The following KLF8 variants were observed in gnomAD, a reference collection of about 807,000 sequenced individuals.
KLF8 encodes the protein KLF transcription factor 8, also known as Krueppel-like factor 8.
KLF8 carries 10 observed loss-of-function variants against 18.2 expected under a neutral mutation model. The ratio of observed to expected loss-of-function variants is 0.55; its 90% confidence interval spans 0.34 to 0.93. The LOEUF (loss-of-function observed/expected upper bound fraction) is 0.93. KLF8 is among the 40% of genes least tolerant of loss of function. The pLI is 0.02. For synonymous variants in KLF8, 109 were observed against 97.3 expected (o/e 1.12, Z -0.71); for missense variants, 264 against 277.9 (o/e 0.95, Z 0.36).
the KLF8 span, among the ~76,000 whole-genome samples, chrX:56,047,003 TTTTAGGTTTGGACA>T: frequency 9.0e-6 from 1 of 111,467 alleles, no homozygotes; most frequent in Non-Finnish European, 1.9e-5. Flanking sequence ...CACCAATAAT[TTTTAGGTTTGGACA>T]TTTAACATAG....
At chrX:56,079,463 TC>T in the KLF8 span, among the ~76,000 whole-genome samples, 1 of 111,904 alleles carries the variant, frequency 8.9e-6, no homozygotes, top group Non-Finnish European at 1.9e-5. Context: ...TGCGTGAGAT[TC>T]TTAATCCTGA....
chrX:55,928,869 CT>C, the KLF8 span, among the ~76,000 whole-genome samples: 1 of 111,934 alleles, frequency 8.9e-6, no homozygotes, highest in Non-Finnish European at 1.9e-5. Flanking sequence ...GATTTGTAAT[CT>C]TTTGGGTCTA....
chrX:56,167,428 C>T, the KLF8 span, among the ~76,000 whole-genome samples: 1 of 112,031 alleles, frequency 8.9e-6, no homozygotes, highest in Non-Finnish European at 1.9e-5. Flanking sequence ...CACGCCTGGC[C>T]CACATTACTT....
At chrX:56,221,843 G>A in the KLF8 span, among the ~76,000 whole-genome samples, 4 of 111,715 alleles carry the variant, frequency 3.6e-5, no homozygotes, top group South Asian at 1.5e-3. Flanking sequence ...GGGACCGGAG[G>A]GGGTTGCCAC....
At chrX:55,940,970 A>G in the KLF8 span, among the ~76,000 whole-genome samples, 12 of 111,860 alleles carry the variant, frequency 1.1e-4, no homozygotes, top group East Asian at 2.5e-3. Flanking sequence ...TATAGATTCA[A>G]TGCCATCCCC....
the KLF8 span, among the ~76,000 whole-genome samples, chrX:55,981,421 G>C: frequency 9.0e-6 from 1 of 111,510 alleles, no homozygotes. Context: ...CAACTCCTCA[G>C]GATACTTTCA....
At chrX:56,113,554 G>GTTTTTTTTTTTT in the KLF8 span, among the ~76,000 whole-genome samples, 69 of 34,594 alleles carry the variant, frequency 2.0e-3, no homozygotes, top group East Asian at 2.6e-3. Context: ...GGCAGGGATA[G>GTTTTTTTTTTTT]TTTTTTTTTT....
the KLF8 span, among the ~76,000 whole-genome samples, chrX:56,029,673 G>T: frequency 8.9e-6 from 1 of 111,970 alleles, no homozygotes; most frequent in African/African-American, 3.2e-5. Context: ...TGGTCTTTTT[G>T]CTCTGCATCA....
At chrX:55,973,929 A>G in the KLF8 span, among the ~76,000 whole-genome samples, 10 of 111,838 alleles carry the variant, frequency 8.9e-5, no homozygotes, top group Admixed American at 9.5e-4. Flanking sequence ...ACTTGAAATC[A>G]ACCTAGATGC....
chrX:56,233,415 C>G (rs914682161), intron 1 of KLF8, 74 bp downstream of exon 1: 10 of 806,847 alleles, frequency 1.2e-5, no homozygotes, highest in Non-Finnish European at 1.7e-5. Context: ...CCCAGTCCCC[C>G]TGCTCCCCCC....
At chrX:56,091,923 T>C in the KLF8 span, among the ~76,000 whole-genome samples, 1 of 109,848 alleles carries the variant, frequency 9.1e-6, no homozygotes, top group Non-Finnish European at 1.9e-5. Context: ...TAATTTACAC[T>C]CCCACCAACA....
At chrX:56,072,988 T>TG in the KLF8 span, among the ~76,000 whole-genome samples, 22 of 23,396 alleles carry the variant, frequency 9.4e-4, no homozygotes, top group African/African-American at 1.8e-3. Context: ...TCGCTTAGCA[T>TG]TTTTTTTTTT....
the KLF8 span, among the ~76,000 whole-genome samples, chrX:55,944,975 T>C: frequency 9.0e-6 from 1 of 111,384 alleles, no homozygotes; most frequent in Admixed American, 9.6e-5. Context: ...TTTAGTGCTA[T>C]AAATTTCCCT....
chrX:55,930,656 C>T, the KLF8 span, among the ~76,000 whole-genome samples: 2 of 111,886 alleles, frequency 1.8e-5, no homozygotes, highest in Non-Finnish European at 3.8e-5. Flanking sequence ...TGGTTTTTGT[C>T]ATTGGTTCTG....
the KLF8 span, among the ~76,000 whole-genome samples, chrX:56,058,247 C>G: frequency 2.2e-5 from 1 of 46,413 alleles, no homozygotes; most frequent in African/African-American, 8.8e-5. Context: ...CATATATATA[C>G]GTATATATAC....
At chrX:56,048,156 T>G in the KLF8 span, among the ~76,000 whole-genome samples, 1 of 111,983 alleles carries the variant, frequency 8.9e-6, no homozygotes, top group East Asian at 2.8e-4. Flanking sequence ...CATTGTAGAT[T>G]CTGGATATTA....
At chrX:56,108,967 T>C in the KLF8 span, among the ~76,000 whole-genome samples, 1 of 112,217 alleles carries the variant, frequency 8.9e-6, no homozygotes, top group Non-Finnish European at 1.9e-5. Flanking sequence ...AAGAGTGTTT[T>C]CTTTAATTTC....
chrX:56,240,217 T>G (rs1233059560), intron 1 of KLF8, among the ~76,000 whole-genome samples: 1 of 112,170 alleles, frequency 8.9e-6, no homozygotes, highest in Non-Finnish European at 1.9e-5. Context: ...TAACCTCACT[T>G]TCTGGAGCTC....
chrX:56,028,986 G>A, the KLF8 span, among the ~76,000 whole-genome samples: 1 of 110,890 alleles, frequency 9.0e-6, no homozygotes, highest in Non-Finnish European at 1.9e-5. Context: ...ATGGAGACTG[G>A]CAAGGAACTA....
Sources: gnomAD v4.1 joint callset for allele counts (sites outside exome capture counted in the v4.1 genomes callset) on GRCh38, gnomAD v4.1.1 for gene constraint, MANE v1.5 for transcripts, NCBI Gene and HGNC (gene_info 2026-07-23, HGNC 2026-07-21) for gene names.